Variants in THSD4 observed in about 807,000 individuals in gnomAD.
THSD4 encodes the protein thrombospondin type 1 domain containing 4.
In THSD4, 69 loss-of-function variants were observed where a neutral mutation model predicts 119.0. The observed-to-expected ratio is 0.58, with a 90% CI of 0.48 to 0.71. The LOEUF (loss-of-function observed/expected upper bound fraction) is 0.71. Among genes scored for constraint, THSD4 ranks in the 30% least tolerant of loss-of-function variants. THSD4 has a pLI of 0.00. For missense variants in THSD4, 1,393 were observed against 1,391.1 expected, an observed-to-expected ratio of 1.00 and a Z score of -0.02; for synonymous variants, 524 against 540.4, an observed-to-expected ratio of 0.97 and a Z score of 0.42.
chr15:71,286,396 G>A (rs915337262), intron 6 of THSD4, among the ~76,000 whole-genome samples: 14 of 152,108 alleles, frequency 9.2e-5, no homozygotes, highest in Admixed American at 8.5e-4. Flanking sequence ...CCACTTATAA[G>A]TGAGAACATG....
intron 7 of THSD4, among the ~76,000 whole-genome samples, chr15:71,512,949 A>G (rs1227169310): frequency 2.0e-5 from 3 of 152,192 alleles, no homozygotes; most frequent in Admixed American, 1.3e-4. Context: ...GAAAACATAC[A>G]TCTTGGTGCA....
chr15:71,439,710 G>T (rs1165355758), intron 7 of THSD4, among the ~76,000 whole-genome samples: 1 of 152,156 alleles, frequency 6.6e-6, no homozygotes, highest in Non-Finnish European at 1.5e-5. Context: ...CATGTCCTTT[G>T]CAGGGACATG....
At chr15:71,253,278 A>AGAT (rs1317314716) in intron 5 of THSD4, among the ~76,000 whole-genome samples, 8 of 152,256 alleles carry the variant, frequency 5.3e-5, no homozygotes, top group Non-Finnish European at 1.2e-4. Context: ...GTTGGGTGGC[A>AGAT]GATGTGTATG....
chr15:71,597,544 G>A (rs1052473233), intron 7 of THSD4, among the ~76,000 whole-genome samples: 4 of 152,152 alleles, frequency 2.6e-5, no homozygotes, highest in Non-Finnish European at 5.9e-5. Flanking sequence ...AGGATCATTA[G>A]ACTTTTAAAG....
chr15:71,163,315 A>T (rs533439765), intron 3 of THSD4, among the ~76,000 whole-genome samples: 1 of 151,978 alleles, frequency 6.6e-6, no homozygotes, highest in African/African-American at 2.4e-5. Flanking sequence ...TCAGATGTTC[A>T]GTATTCCTCC....
At chr15:71,149,276 C>T (rs1391316071) in intron 2 of THSD4, among the ~76,000 whole-genome samples, 7 of 151,168 alleles carry the variant, frequency 4.6e-5, no homozygotes, top group African/African-American at 1.7e-4. Flanking sequence ...GATGGAGTCT[C>T]GCTGTGTTGC....
chr15:71,757,042 T>C (rs1365668116), intron 14 of THSD4, among the ~76,000 whole-genome samples: 2 of 152,170 alleles, frequency 1.3e-5, no homozygotes, highest in African/African-American at 2.4e-5. Flanking sequence ...CCTTATACCA[T>C]TTACTGGGCA....
intron 8 of THSD4, among the ~76,000 whole-genome samples, chr15:71,708,919 C>T (rs910116455): frequency 2.6e-5 from 4 of 152,204 alleles, no homozygotes; most frequent in South Asian, 2.1e-4. Flanking sequence ...GTGCACAGAG[C>T]GTGGGTGGCC....
Position 71,778,031 on chromosome 15 carries a change from A to C in THSD4, c.*657A>C, listed in dbSNP as rs1435817325. ...GGGGGTGACTCATTATCCCCATTTT[A>C]CTGACAGGGAAACTGAGGCTCAACT... On this transcript the variant is annotated 3_prime_UTR_variant, in exon 18 of 18. Transcript: ENST00000261862. The C allele has an allele frequency of 6.6e-6, 1 of 152,424 alleles. No individual in the cohort carries two copies. Among genetic ancestry groups the C allele is most frequent in the Non-Finnish European group, 1.5e-5 (1 of 68,250 alleles). 9.4% of individuals were successfully genotyped at this position (152,424 alleles called of 1,614,324 possible).
intron 7 of THSD4, among the ~76,000 whole-genome samples, chr15:71,459,382 C>CTCTCTCTCTCTCTCTCTCTCTCTCTG (rs1566991575): frequency 1.6e-5 from 2 of 127,008 alleles, no homozygotes; most frequent in African/African-American, 5.6e-5. Context: ...GTCTCTCTGT[C>CTCTCTCTCTCTCTCTCTCTCTCTCTG]TCTCTCTCTC....
chr15:71,600,387 C>A (rs1472538747), intron 7 of THSD4, among the ~76,000 whole-genome samples: 2 of 152,182 alleles, frequency 1.3e-5, no homozygotes, highest in Non-Finnish European at 2.9e-5. Flanking sequence ...TTGTCATTGT[C>A]TTCTTTGTCT....
intron 8 of THSD4, among the ~76,000 whole-genome samples, chr15:71,710,761 T>C (rs1281453858): frequency 6.6e-6 from 1 of 152,178 alleles, no homozygotes; most frequent in Non-Finnish European, 1.5e-5. Flanking sequence ...TCAGTGCCAA[T>C]ATATTTTTAC....
intron 7 of THSD4, among the ~76,000 whole-genome samples, chr15:71,492,467 TAG>T (rs2140703213): frequency 6.6e-6 from 1 of 152,096 alleles, no homozygotes; most frequent in South Asian, 2.1e-4. Flanking sequence ...GTATTTTTAA[TAG>T]AGGGGGGGAG....
intron 8 of THSD4, among the ~76,000 whole-genome samples, chr15:71,701,531 G>A (rs1252192776): frequency 6.6e-6 from 1 of 151,984 alleles, no homozygotes; most frequent in Admixed American, 6.6e-5. Flanking sequence ...AAAATTAAAT[G>A]CAACCTAACT....
chr15:71,252,710 C>G (rs1017752926), intron 5 of THSD4, among the ~76,000 whole-genome samples: 4 of 152,182 alleles, frequency 2.6e-5, no homozygotes, highest in African/African-American at 9.7e-5. Context: ...ACTTATGAGC[C>G]CTATGACCTT....
rs572853609 is a variant in THSD4, at chr15:71,617,197, T to C, written c.1153-43333T>C. 8.5e-5 allele frequency among the ~76,000 whole-genome samples: 13 copies of C among 152,282 alleles called. No individual in the cohort carries two copies. In the South Asian group the frequency reaches 2.7e-3, roughly 32 times the overall value. On this transcript the variant is annotated intron_variant, in intron 7 of 17. Coordinates refer to ENST00000261862, the MANE Select transcript of THSD4 (RefSeq NM_024817.3). ...CCTCCTCAAATTTCCTATCCTCCAGTTGATGTTAGAACATTTAATAGTAAT... is the reference window on the plus strand; with the variant it reads ...CCTCCTCAAATTTCCTATCCTCCAGCTGATGTTAGAACATTTAATAGTAAT...
At chr15:71,099,587 G>A (rs2040245430) in intron 1 of THSD4, among the ~76,000 whole-genome samples, 1 of 151,762 alleles carries the variant, frequency 6.6e-6, no homozygotes, top group African/African-American at 2.4e-5. Flanking sequence ...TTATATTCCA[G>A]GTTTCTTTTG....
At chr15:71,392,574 CCAT>C (rs2140470930) in intron 6 of THSD4, among the ~76,000 whole-genome samples, 1 of 152,316 alleles carries the variant, frequency 6.6e-6, no homozygotes, top group South Asian at 2.1e-4. Flanking sequence ...AAAGGCCTAA[CCAT>C]CATCCTTCCT....
At chr15:71,289,427 G>A (rs965898256) in intron 6 of THSD4, among the ~76,000 whole-genome samples, 2 of 152,116 alleles carry the variant, frequency 1.3e-5, no homozygotes, top group African/African-American at 4.8e-5. Flanking sequence ...GCCCCATCCT[G>A]TTTTCTCTCC....
Sources: gnomAD v4.1 joint callset for allele counts (sites outside exome capture counted in the v4.1 genomes callset) on GRCh38, gnomAD v4.1.1 for gene constraint, MANE v1.5 for transcripts, NCBI Gene and HGNC (gene_info 2026-07-23, HGNC 2026-07-21) for gene names.